The following FBXL17 variants were observed in gnomAD, a reference collection of about 807,000 sequenced individuals.
FBXL17 encodes the protein F-box and leucine rich repeat protein 17.
A neutral mutation model predicts 66.2 loss-of-function variants in FBXL17; 22 were observed. The observed-to-expected ratio is 0.33, with a 90% CI of 0.24 to 0.47. The LOEUF (loss-of-function observed/expected upper bound fraction) is 0.47. Ranked by LOEUF, FBXL17 falls within the 20% of genes least tolerant of loss-of-function variation. The probability of loss-of-function intolerance (pLI) is 1.00; values close to 1 mark genes in which losing one functional copy is unlikely to be tolerated. For synonymous variants in FBXL17, 474 were observed against 400.5 expected, an observed-to-expected ratio of 1.18 and a Z score of -2.19; for missense variants, 878 against 948.2, an observed-to-expected ratio of 0.93 and a Z score of 0.97.
intron 4 of FBXL17, among the ~76,000 whole-genome samples, chr5:108,291,067 C>T (rs1369338209): frequency 6.6e-6 from 1 of 152,076 alleles, no homozygotes; most frequent in African/African-American, 2.4e-5. Flanking sequence ...ACATAGCATC[C>T]AAAACCTACA....
At chr5:107,991,472 T>C (rs1194401400) in intron 7 of FBXL17, among the ~76,000 whole-genome samples, 1 of 152,228 alleles carries the variant, frequency 6.6e-6, no homozygotes, top group Admixed American at 6.5e-5. Flanking sequence ...ACCATGCCCA[T>C]GCATAGGATT....
At chr5:108,369,978 C>T (rs888902118) in intron 1 of FBXL17, among the ~76,000 whole-genome samples, 8 of 152,106 alleles carry the variant, frequency 5.3e-5, no homozygotes, top group African/African-American at 1.9e-4. Context: ...GAGGTCAGGG[C>T]ACAAGGTAGG....
intron 6 of FBXL17, among the ~76,000 whole-genome samples, chr5:108,102,834 A>G (rs967793915): frequency 1.3e-5 from 2 of 152,220 alleles, no homozygotes; most frequent in African/African-American, 4.8e-5. Flanking sequence ...ATAAATATAT[A>G]AATAATATAT....
intron 6 of FBXL17, among the ~76,000 whole-genome samples, chr5:108,091,672 C>A (rs1406039293): frequency 6.6e-6 from 1 of 152,146 alleles, no homozygotes; most frequent in Non-Finnish European, 1.5e-5. Context: ...CTACTTCTTA[C>A]ACACACAGCA....
intron 5 of FBXL17, among the ~76,000 whole-genome samples, chr5:108,191,104 A>T (rs1253589166): frequency 1.3e-5 from 2 of 152,356 alleles, no homozygotes; most frequent in East Asian, 3.9e-4. Context: ...TTGTAGCTAT[A>T]TGCATATGTG....
At chr5:108,014,082 T>TC (rs1427478006) in intron 7 of FBXL17, among the ~76,000 whole-genome samples, 3 of 115,448 alleles carry the variant, frequency 2.6e-5, no homozygotes, top group African/African-American at 8.5e-5. Context: ...TATCCAAGAG[T>TC]ACTATGCAGT....
intron 7 of FBXL17, among the ~76,000 whole-genome samples, chr5:107,975,779 A>C (rs1752553670): frequency 6.6e-6 from 1 of 151,982 alleles, no homozygotes; most frequent in African/African-American, 2.4e-5. Flanking sequence ...GATGCATGGA[A>C]TCTAAACCAA....
intron 6 of FBXL17, among the ~76,000 whole-genome samples, chr5:108,107,659 A>T (rs1468283804): frequency 3.3e-5 from 5 of 151,748 alleles, no homozygotes; most frequent in Non-Finnish European, 7.4e-5. Flanking sequence ...AAAAATACAA[A>T]AAATTAGCCA....
chr5:108,216,022 C>T (rs1015688198), intron 5 of FBXL17, among the ~76,000 whole-genome samples: 2 of 152,148 alleles, frequency 1.3e-5, no homozygotes, highest in African/African-American at 4.8e-5. Context: ...GAGTTTATTT[C>T]TGGACGCTCG....
At chr5:108,244,613 CTTA>C (rs1756010978) in intron 4 of FBXL17, among the ~76,000 whole-genome samples, 1 of 152,186 alleles carries the variant, frequency 6.6e-6, no homozygotes, top group Non-Finnish European at 1.5e-5. Context: ...TGGGCACTAA[CTTA>C]TTTATATCAT....
At chr5:108,094,605 T>C (rs991069223) in intron 6 of FBXL17, among the ~76,000 whole-genome samples, 7 of 152,102 alleles carry the variant, frequency 4.6e-5, no homozygotes, top group African/African-American at 1.7e-4. Flanking sequence ...CAAAAACAGG[T>C]CTGTGGACAA....
chr5:108,269,685 C>A (rs1757186921), intron 4 of FBXL17, among the ~76,000 whole-genome samples: 1 of 151,988 alleles, frequency 6.6e-6, no homozygotes, highest in Admixed American at 6.5e-5. Context: ...TTCCTTCCAA[C>A]AATATATCAC....
rs566949045 is a variant in FBXL17 at position 108,190,645 on chromosome 5, G to A, written c.1615-4398C>T. Among the ~76,000 whole-genome samples the A allele has an allele frequency of 5.3e-5, 8 of 152,058 alleles. No individual in the cohort carries two copies. The South Asian group carries it at 1.7e-3, about 32-fold the overall frequency. ...GATTTTGCATTAGGGCTAGATAGGT[G>A]GATAAAATGGTTTCACTGGTCAAGT... On this transcript the variant is annotated intron_variant, in intron 5 of 8. Coordinates refer to ENST00000542267, the MANE Select transcript of FBXL17 (RefSeq NM_001163315.3).
At chr5:107,895,866 A>G (rs1162020376) in intron 7 of FBXL17, among the ~76,000 whole-genome samples, 5 of 152,134 alleles carry the variant, frequency 3.3e-5, no homozygotes, top group Non-Finnish European at 7.4e-5. Flanking sequence ...GTTACATGGT[A>G]TTAATAACAA....
intron 5 of FBXL17, among the ~76,000 whole-genome samples, chr5:108,202,679 C>T (rs1229783052): frequency 6.6e-6 from 1 of 152,048 alleles, no homozygotes; most frequent in Non-Finnish European, 1.5e-5. Flanking sequence ...ATAGCCCTGG[C>T]AGGAGGGAGT....
At chr5:108,319,105 C>T (rs538341206) in intron 4 of FBXL17, among the ~76,000 whole-genome samples, 1 of 151,710 alleles carries the variant, frequency 6.6e-6, no homozygotes, top group East Asian at 1.9e-4. Flanking sequence ...CAGGCAATGA[C>T]AACAAAATTA....
chr5:108,006,922 C>G (rs1753947834), intron 7 of FBXL17, among the ~76,000 whole-genome samples: 1 of 152,142 alleles, frequency 6.6e-6, no homozygotes, highest in Admixed American at 6.6e-5. Context: ...CAGTGGCATT[C>G]CAAACCAACT....
intron 5 of FBXL17, among the ~76,000 whole-genome samples, chr5:108,199,609 G>C (rs1036224316): frequency 6.6e-6 from 1 of 152,124 alleles, no homozygotes; most frequent in Non-Finnish European, 1.5e-5. Context: ...GCAGTATAGA[G>C]TTAGTGGTAG....
At chr5:108,121,842 C>T (rs925507481) in intron 6 of FBXL17, among the ~76,000 whole-genome samples, 3 of 152,154 alleles carry the variant, frequency 2.0e-5, no homozygotes, top group African/African-American at 7.2e-5. Context: ...CAGGCGTGAG[C>T]CACCGCGCTC....
Sources: allele counts gnomAD v4.1 joint callset (sites outside exome capture counted in the v4.1 genomes callset), GRCh38; gene constraint gnomAD v4.1.1; transcripts MANE v1.5; gene names NCBI Gene and HGNC (gene_info 2026-07-23, HGNC 2026-07-21).